Variants in BARD1 observed in about 807,000 individuals in gnomAD.
BARD1 encodes the protein BRCA1 associated RING domain 1.
In BARD1, 73 loss-of-function variants were observed where a neutral mutation model predicts 77.0. That is an observed-to-expected ratio of 0.95 (90% CI 0.79 to 1.15). BARD1 has a LOEUF of 1.15. Ranked by LOEUF, BARD1 falls within the 50% of genes most tolerant of loss-of-function variation. The probability of loss-of-function intolerance (pLI) is 0.00; values close to 1 mark genes in which losing one functional copy is unlikely to be tolerated. For synonymous variants in BARD1, 384 were observed against 338.0 expected, an observed-to-expected ratio of 1.14 and a Z score of -1.49; for missense variants, 993 against 938.8, an observed-to-expected ratio of 1.06 and a Z score of -0.75.
At position 214,745,688 on chromosome 2, in the gene BARD1, T is replaced by C. The variant is rs1302968308; in HGVS notation, c.1810+34A>G. ...AAAAGGATCATCTATTTAACATTTT[T>C]TCTACCCCACCTCCCAAAATTCAAA... On this transcript the variant is annotated intron_variant, in intron 8 of 10. Coordinates refer to ENST00000260947, the MANE Select transcript of BARD1 (RefSeq NM_000465.4). 3 of 1,612,678 alleles carry C rather than the reference T, an allele frequency of 1.9e-6. No homozygotes were observed. The African/African-American group carries it at 4.0e-5, about 22-fold the overall frequency.
At chr2:214,750,228 T>A (rs1693342330) in intron 7 of BARD1, among the ~76,000 whole-genome samples, 1 of 152,126 alleles carries the variant, frequency 6.6e-6, no homozygotes, top group African/African-American at 2.4e-5. Flanking sequence ...CCTCAGCATT[T>A]CAAACCTGGT....
chr2:214,761,084 T>G (rs1367783378), intron 6 of BARD1, among the ~76,000 whole-genome samples: 3 of 148,250 alleles, frequency 2.0e-5, no homozygotes, highest in African/African-American at 7.5e-5. Flanking sequence ...AAAAAAAAAG[T>G]CCATTTTCTC....
At chr2:214,790,245 T>C (rs1156709044) in intron 3 of BARD1, among the ~76,000 whole-genome samples, 1 of 152,128 alleles carries the variant, frequency 6.6e-6, no homozygotes, top group Non-Finnish European at 1.5e-5. Flanking sequence ...TGTTATATTG[T>C]TATAAATTGT....
Position 214,727,513 on chromosome 2 carries a change from T to C in BARD1, c.*1163A>G. The stretch of plus-strand genomic sequence containing the variant: ...AAAAAAATGTTTCAAAATAATCTAA[T>C]GTATCCTTGTCGATTCATGAATGAG... On this transcript the variant is annotated 3_prime_UTR_variant, in exon 11 of 11. Transcript: ENST00000260947. 4.3e-6 allele frequency: 1 copy of C among 232,078 alleles called. No individual in the cohort carries two copies. Among genetic ancestry groups the C allele is most frequent in the Non-Finnish European group, 8.5e-6 (1 of 117,306 alleles). The allele number at this position is 232,078 out of a possible 1,614,324, so 14.4% of individuals were successfully genotyped here. A position where few individuals can be genotyped will look rare whatever the true frequency, so the allele number is the denominator to read the frequency against.
chr2:214,764,928 A>T (rs1694127708), intron 6 of BARD1, among the ~76,000 whole-genome samples: 1 of 149,520 alleles, frequency 6.7e-6, no homozygotes, highest in Non-Finnish European at 1.5e-5. Context: ...ATACTCTTGT[A>T]CCCTAGGATT....
intron 9 of BARD1, among the ~76,000 whole-genome samples, chr2:214,735,754 C>T (rs1183114639): frequency 6.6e-6 from 1 of 152,084 alleles, no homozygotes; most frequent in Non-Finnish European, 1.5e-5. Flanking sequence ...TTAAAAGCTG[C>T]TTAAATTGAG....
rs905626929 is a variant in BARD1 at position 214,780,888 on chromosome 2, G to C, written c.986C>G (p.Ser329Cys). Residue 329 changes from serine to cysteine, a missense_variant, in exon 4 of 11, where the codon TCC becomes TGC. Physicochemically the swap from Ser to Cys is moderately radical, Grantham distance 112. Coordinates refer to ENST00000260947, the MANE Select transcript of BARD1 (RefSeq NM_000465.4). ...TCTACATCTCTTAGAAATGGGACTG[G>C]AAAGTCTATTGTGATGGCCACGTTT... ...NGKRGHHNRLSSPISKRCRTS... is the reference protein window; with the variant it reads ...NGKRGHHNRLCSPISKRCRTS... 5.0e-6 allele frequency: 8 copies of C among 1,613,998 alleles called. No individual in the cohort carries two copies. The highest frequency in any genetic ancestry group is 1.7e-5 in the Admixed American group (1 of 59,988).
intron 1 of BARD1, among the ~76,000 whole-genome samples, chr2:214,799,966 T>C (rs1482095954): frequency 2.0e-5 from 3 of 152,206 alleles, no homozygotes; most frequent in African/African-American, 7.2e-5. Flanking sequence ...CATTTTAATA[T>C]TTTTATACAC....
chr2:214,790,128 TG>T (rs1457226009), intron 3 of BARD1, among the ~76,000 whole-genome samples: 1 of 152,154 alleles, frequency 6.6e-6, no homozygotes, highest in African/African-American at 2.4e-5. Context: ...ATAAAATTTC[TG>T]GAAAGGAGTC....
At chr2:214,759,709 AG>A (rs1693859954) in intron 6 of BARD1, among the ~76,000 whole-genome samples, 1 of 152,198 alleles carries the variant, frequency 6.6e-6, no homozygotes, top group Non-Finnish European at 1.5e-5. Flanking sequence ...ATAATTATAA[AG>A]ATTTAGGGCC....
At chr2:214,801,896 G>T (rs1696043277) in intron 1 of BARD1, among the ~76,000 whole-genome samples, 1 of 145,194 alleles carries the variant, frequency 6.9e-6, no homozygotes, top group Non-Finnish European at 1.5e-5. Context: ...ATCTTGCTCT[G>T]TCGCCCAGGC....
intron 1 of BARD1, among the ~76,000 whole-genome samples, chr2:214,804,518 C>A (rs1487266046): frequency 6.6e-6 from 1 of 152,156 alleles, no homozygotes; most frequent in African/African-American, 2.4e-5. Flanking sequence ...AAGCTGAACA[C>A]CAATGATTTG....
In BARD1 at chr2:214,800,664, T is replaced by C. The variant is rs545234122; in HGVS notation, c.159-3547A>G. Among the ~76,000 whole-genome samples, 8 of 152,284 alleles carry C rather than the reference T, an allele frequency of 5.3e-5. No homozygotes were observed. The East Asian group carries it at 5.8e-4, about 11-fold the overall frequency. Reference sequence around the variant, plus strand: ...CCAGGAATTTGTCCTTCAGCAACACTAGATACTTGCAAAAATGAAACTTTC... The same window carrying C: ...CCAGGAATTTGTCCTTCAGCAACACCAGATACTTGCAAAAATGAAACTTTC... On this transcript the variant is annotated intron_variant, in intron 1 of 10. Coordinates refer to ENST00000260947, the MANE Select transcript of BARD1 (RefSeq NM_000465.4).
At chr2:214,802,043 G>T (rs1232714328) in intron 1 of BARD1, among the ~76,000 whole-genome samples, 2 of 152,098 alleles carry the variant, frequency 1.3e-5, no homozygotes, top group African/African-American at 4.8e-5. Flanking sequence ...TAGAGGTGGG[G>T]TTTTGCCATG....
At chr2:214,765,530 T>G (rs1424391698) in intron 6 of BARD1, among the ~76,000 whole-genome samples, 1 of 152,130 alleles carries the variant, frequency 6.6e-6, no homozygotes, top group Admixed American at 6.6e-5. Flanking sequence ...GAGTCACAAA[T>G]AAAAGCTAGA....
At chr2:214,805,723 G>C (rs1252357663) in intron 1 of BARD1, among the ~76,000 whole-genome samples, 1 of 151,376 alleles carries the variant, frequency 6.6e-6, no homozygotes, top group Non-Finnish European at 1.5e-5. Context: ...CAAAGTATGA[G>C]AGAATACAAA....
chr2:214,754,170 T>C (rs1355343302), intron 6 of BARD1, among the ~76,000 whole-genome samples: 1 of 151,774 alleles, frequency 6.6e-6, no homozygotes, highest in East Asian at 1.9e-4. Context: ...GAAATCTGAG[T>C]TGAAGAACCA....
chr2:214,796,623 G>A (rs949760583), intron 2 of BARD1, among the ~76,000 whole-genome samples: 1 of 152,304 alleles, frequency 6.6e-6, no homozygotes, highest in South Asian at 2.1e-4. Context: ...CTAGCCTACA[G>A]AACTAGAGAG....
Position 214,780,770 on chromosome 2 carries a change from G to C in BARD1, c.1104C>G (p.Cys368Trp), listed in dbSNP as rs371147849. The part of the protein sequence containing the change: ...PLPECSSPPS[C>W]KRKVGGTSGR... The stretch of plus-strand genomic sequence containing the variant: ...CTGATGTACCACCAACTTTACGTTT[G>C]CATGAAGGTGGTGAAGAACATTCAG... The change falls in exon 4 of 11, where the codon TGC becomes TGG. Residue 368 changes from cysteine to tryptophan, a missense_variant. Transcript: ENST00000260947. 9 of 1,613,916 alleles carry C rather than the reference G, an allele frequency of 5.6e-6. No individual in the cohort carries two copies. The African/African-American group carries it at 1.2e-4, about 22-fold the overall frequency.
Sources: allele counts gnomAD v4.1 joint callset (sites outside exome capture counted in the v4.1 genomes callset), GRCh38; gene constraint gnomAD v4.1.1; transcripts MANE v1.5; gene names NCBI Gene and HGNC (gene_info 2026-07-23, HGNC 2026-07-21).